The following MMP21 variants were observed in gnomAD, a reference collection of about 807,000 sequenced individuals.
The protein encoded by MMP21 is matrix metalloproteinase-21.
MMP21 carries 40 observed loss-of-function variants against 47.8 expected under a neutral mutation model. That is an observed-to-expected ratio of 0.84 (90% confidence interval 0.65 to 1.09). The LOEUF (loss-of-function observed/expected upper bound fraction) is 1.09, where lower values mean the gene tolerates loss of function less well. Ranked by LOEUF, MMP21 falls within the 50% of genes least tolerant of loss-of-function variation. The pLI, the probability that MMP21 is intolerant of heterozygous loss-of-function variation, is 0.00. For missense variants in MMP21, 747 were observed against 775.3 expected, an observed-to-expected ratio of 0.96 and a Z score of 0.43; for synonymous variants, 341 against 318.0, an observed-to-expected ratio of 1.07 and a Z score of -0.77.
chr10:125,767,387 C>T, intron 6 of MMP21, 145 bp downstream of exon 6: 1 of 736,374 alleles, frequency 1.4e-6, no homozygotes, highest in Non-Finnish European at 2.2e-6. Flanking sequence ...AGCGATCCGC[C>T]CACCTTGGCC....
At chr10:125,775,511 G>T in intron 1 of MMP21, 149 bp downstream of exon 1, 1 of 961,800 alleles carries the variant, frequency 1.0e-6, no homozygotes, top group Non-Finnish European at 1.5e-6. Context: ...AGCCACAGGA[G>T]CCACTCCTCC....
At chr10:125,775,566 G>C in intron 1 of MMP21, 94 bp downstream of exon 1, 9 of 1,429,038 alleles carry the variant, frequency 6.3e-6, no homozygotes, top group East Asian at 2.6e-5. Context: ...CTGCACAGCC[G>C]GCATCCTGGC....
intron 6 of MMP21, 121 bp downstream of exon 6, chr10:125,767,411 G>T: frequency 2.0e-6 from 2 of 982,098 alleles, no homozygotes; most frequent in Non-Finnish European, 3.0e-6. Context: ...CAAAGTGCGG[G>T]ATTACAGGCA....
Position 125,774,159 on chromosome 10 carries a change from G to A in MMP21, c.369C>T (p.Arg123=). 7.8e-7 allele frequency: 1 copy of A among 1,275,204 alleles called. No homozygotes were observed. 79.0% of individuals were successfully genotyped at this position (1,275,204 alleles called of 1,614,324 possible). ...NRPRCGVPDM[R]PPPPSAPPSP... is the part of the protein sequence containing the mutation. ...AAGGCGGGGCGGAGGGGGGCGGTGG[G>A]CGCATGTCCGGGACCCCGCAGCGCG... Residue 123 remains arginine (R), a synonymous_variant, in exon 2 of 7, where the codon CGC becomes CGT. Coordinates refer to ENST00000368808, the MANE Select transcript of MMP21 (RefSeq NM_147191.1).
Position 125,770,375 on chromosome 10 carries a change from T to C in MMP21, c.1196A>G (p.His399Arg). Residue 399 changes from histidine to arginine, a missense_variant, in exon 5 of 7, where the codon CAC becomes CGC. Physicochemically the swap from His to Arg is conservative, Grantham distance 29. Coordinates refer to ENST00000368808, the MANE Select transcript of MMP21 (RefSeq NM_147191.1). ...TTCATCTCTTTTCCATGTCCAGATG[T>C]GAACAAAGGCATCTATGTTGTGTGT... is the stretch of plus-strand genomic sequence containing the variant. ...IPTHNIDAFV[H>R]IWTWKRDERY... The C allele has an allele frequency of 6.2e-7, 1 of 1,614,184 alleles. No individual in the cohort carries two copies. Among genetic ancestry groups the C allele is most frequent in the Non-Finnish European group, 8.5e-7 (1 of 1,179,990 alleles).
chr10:125,767,982 A>G (rs1419566556), intron 5 of MMP21, among the ~76,000 whole-genome samples: 1 of 152,178 alleles, frequency 6.6e-6, no homozygotes, highest in Non-Finnish European at 1.5e-5. Context: ...ACCCTGCCCC[A>G]TGAACATCAT....
intron 5 of MMP21, among the ~76,000 whole-genome samples, chr10:125,769,871 G>T (rs1589892262): frequency 6.6e-6 from 1 of 152,174 alleles, no homozygotes; most frequent in South Asian, 2.1e-4. Flanking sequence ...TCAGGGCCTG[G>T]GTGCAGTGGT....
chr10:125,767,489 G>A (rs1314621723), intron 6 of MMP21, 43 bp downstream of exon 6: 1 of 1,566,822 alleles, frequency 6.4e-7, no homozygotes, highest in Admixed American at 1.7e-5. Flanking sequence ...ATCTCTATTA[G>A]GGATGACAGA....
Position 125,766,934 on chromosome 10 carries a change from G to T in MMP21, c.1438C>A (p.Arg480=). ...CTCTTTGGATAAGAATTAAGTACTC[G>T]ATTTCTGTTGACATCAAATGCAAAT... ...LVFAFDVNRN[R]VLNSYPKRIT... The change falls in exon 7 of 7, where the codon CGA becomes AGA. Residue 480 remains arginine, a synonymous_variant. Coordinates refer to ENST00000368808, the MANE Select transcript of MMP21 (RefSeq NM_147191.1). 2 of 1,595,344 alleles carry T rather than the reference G, an allele frequency of 1.3e-6. No individual in the cohort carries two copies. The highest frequency in any genetic ancestry group is 1.7e-6 in the Non-Finnish European group (2 of 1,173,426).
At chr10:125,769,867 C>CGGG (rs1850426813) in intron 5 of MMP21, among the ~76,000 whole-genome samples, 1 of 152,114 alleles carries the variant, frequency 6.6e-6, no homozygotes, top group Non-Finnish European at 1.5e-5. Flanking sequence ...AAGATCAGGG[C>CGGG]CTGGGTGCAG....
In MMP21 at chr10:125,772,986, CG is replaced by C. The variant is rs1850470352; in HGVS notation, c.698-237del. 6.6e-6 allele frequency among the ~76,000 whole-genome samples: 1 copy of C among 152,122 alleles called. No homozygotes were observed. Among genetic ancestry groups the C allele is most frequent in the Non-Finnish European group, 1.5e-5 (1 of 68,002 alleles). On this transcript the variant is annotated intron_variant, in intron 2 of 6. Transcript: ENST00000368808. The surrounding 1 kb of genome is among the most constrained non-coding windows in gnomAD (Gnocchi z 5.6). ...CCAAGTGCCTGGGAGCAGAGGGGAGCGGGGCTGGGTGAGAGCCCGGCTGGGG... is the reference window on the plus strand; with the variant it reads ...CCAAGTGCCTGGGAGCAGAGGGGAGCGGGCTGGGTGAGAGCCCGGCTGGGG...
intron 5 of MMP21, among the ~76,000 whole-genome samples, chr10:125,768,424 C>G (rs545673821): frequency 2.0e-5 from 3 of 152,214 alleles, no homozygotes; most frequent in Non-Finnish European, 4.4e-5. Flanking sequence ...ATTTCGTGCT[C>G]TAAATCAGTA....
Position 125,772,178 on chromosome 10 carries a change from T to A in MMP21, c.979+40A>T, listed in dbSNP as rs1381431693. On this transcript the variant is annotated intron_variant, in intron 4 of 6. Transcript: ENST00000368808. The surrounding 1 kb of genome is among the most constrained non-coding windows in gnomAD (Gnocchi z 5.6). Reference sequence around the variant, plus strand: ...TCCTACAGTGCTCTGGAATACAGTGTCCTCCGCTAGCTCAGGGATGCCCTC... The same window carrying A: ...TCCTACAGTGCTCTGGAATACAGTGACCTCCGCTAGCTCAGGGATGCCCTC... 6.2e-7 allele frequency: 1 copy of A among 1,611,434 alleles called. No individual in the cohort carries two copies. The highest frequency in any genetic ancestry group is 8.5e-7 in the Non-Finnish European group (1 of 1,178,220).
intron 4 of MMP21, among the ~76,000 whole-genome samples, chr10:125,771,086 TG>T (rs1850441368): frequency 6.6e-6 from 1 of 152,120 alleles, no homozygotes; most frequent in South Asian, 2.1e-4. Flanking sequence ...GGTGCCAGGC[TG>T]CCTGCTACAG....
Position 125,774,054 on chromosome 10 carries a change from C to G in MMP21, c.474G>C (p.Gln158His), listed in dbSNP as rs1473658072. Reference protein sequence around the residue: ...APLSLSRRGWQPRGYPDGGAA... With the variant: ...APLSLSRRGWHPRGYPDGGAA... ...CTCCGCCGTCGGGGTAGCCCCGGGGCTGCCAACCCCGCCGGGACAAGGACA... is the reference window on the plus strand; with the variant it reads ...CTCCGCCGTCGGGGTAGCCCCGGGGGTGCCAACCCCGCCGGGACAAGGACA... Residue 158 changes from glutamine (Q) to histidine (H), a missense_variant, in exon 2 of 7, where the codon CAG becomes CAC. Coordinates refer to ENST00000368808, the MANE Select transcript of MMP21 (RefSeq NM_147191.1). 2.1e-6 allele frequency: 3 copies of G among 1,456,820 alleles called. No homozygotes were observed. The South Asian group carries it at 4.0e-5, about 19-fold the overall frequency. 90.2% of individuals were successfully genotyped at this position (1,456,820 alleles called of 1,614,324 possible).
At chr10:125,774,496 A>G (rs1850494391) in intron 1 of MMP21, 131 bp from the exon 2 acceptor site, 2 of 529,026 alleles carry the variant, frequency 3.8e-6, no homozygotes, top group Non-Finnish European at 5.9e-6. Context: ...AGAGACAGAC[A>G]GGGAGAAACA....
In MMP21 at chr10:125,773,866, C is replaced by G. The variant is rs1179727043; in HGVS notation, c.662G>C (p.Gly221Ala). ...LDFREDLAAPGAAVDIKLGFG... is the reference protein window; with the variant it reads ...LDFREDLAAPAAAVDIKLGFG... ...GCCCAGCTTGATGTCGACCGCGGCC[C>G]CGGGGGCGGCCAGGTCCTCGCGGAA... is the stretch of plus-strand genomic sequence containing the variant. Residue 221 changes from glycine to alanine, a missense_variant, in exon 2 of 7, where the codon GGG becomes GCG. Coordinates refer to ENST00000368808, the MANE Select transcript of MMP21 (RefSeq NM_147191.1). This position sits in a 1 kb window ranked among gnomAD's most constrained non-coding sequence, Gnocchi z 4.8. 1 of 1,570,348 alleles carries G rather than the reference C, an allele frequency of 6.4e-7. No homozygotes were observed. Among genetic ancestry groups the G allele is most frequent in the Non-Finnish European group, 8.6e-7 (1 of 1,165,392 alleles).
Position 125,774,300 on chromosome 10 carries a change from C to T in MMP21, c.228G>A (p.Pro76=). 1.4e-6 allele frequency: 2 copies of T among 1,416,704 alleles called. No homozygotes were observed. The highest frequency in any genetic ancestry group is 1.5e-5 in the South Asian group (1 of 68,006). The allele number at this position is 1,416,704 out of a possible 1,614,324, so 87.8% of individuals were successfully genotyped here. ...WAAWGPSPEG[P]PETPKGAALA... Reference sequence around the variant, plus strand: ...GGGCGGCGCCCTTGGGGGTCTCCGGCGGCCCCTCGGGACTGGGCCCCCAGG... The same window carrying T: ...GGGCGGCGCCCTTGGGGGTCTCCGGTGGCCCCTCGGGACTGGGCCCCCAGG... Residue 76 remains proline (P), a synonymous_variant, in exon 2 of 7, where the codon CCG becomes CCA. Coordinates refer to ENST00000368808, the MANE Select transcript of MMP21 (RefSeq NM_147191.1).
At position 125,775,593 on chromosome 10, in the gene MMP21, G is replaced by T. The variant is rs551539640; in HGVS notation, c.162+67C>A. 8.0e-6 allele frequency: 12 copies of T among 1,493,812 alleles called. No homozygotes were observed. In the South Asian group the frequency reaches 1.6e-4, roughly 20 times the overall value. 92.5% of individuals were successfully genotyped at this position (1,493,812 alleles called of 1,614,324 possible). A position where few individuals can be genotyped will look rare whatever the true frequency, so the allele number is the denominator to read the frequency against. On this transcript the variant is annotated intron_variant, in intron 1 of 6. Coordinates refer to ENST00000368808, the MANE Select transcript of MMP21 (RefSeq NM_147191.1). ...CATCCTGGCCTGTGCCTGTGCGCGC[G>T]TGCGCATGTGCCTGTGTGCACGTGC... is the stretch of plus-strand genomic sequence containing the variant.
Sources: allele counts gnomAD v4.1 joint callset (sites outside exome capture counted in the v4.1 genomes callset), GRCh38; gene constraint gnomAD v4.1.1; non-coding constraint Gnocchi (gnomAD v3.1); transcripts MANE v1.5; gene names NCBI Gene and HGNC (gene_info 2026-07-23, HGNC 2026-07-21).